Variants in GAB2 observed in about 807,000 individuals in gnomAD.
GAB2 encodes the protein GRB2 associated binding protein 2, also known as GRB2-associated-binding protein 2.
A neutral mutation model predicts 65.5 loss-of-function variants in GAB2; 26 were observed. That is an observed-to-expected ratio of 0.40 (90% CI 0.29 to 0.55). GAB2 has a LOEUF of 0.55. Among genes scored for constraint, GAB2 ranks in the 20% least tolerant of loss-of-function variants. GAB2 has a pLI of 0.53. For missense variants in GAB2, 884 were observed against 875.8 expected (o/e 1.01, Z -0.12); for synonymous variants, 321 against 329.6 (o/e 0.97, Z 0.28).
intron 1 of GAB2, among the ~76,000 whole-genome samples, chr11:78,289,507 T>C (rs2134602022): frequency 6.6e-6 from 1 of 152,310 alleles, no homozygotes; most frequent in South Asian, 2.1e-4. Flanking sequence ...CAAAATGTGT[T>C]GAATGCTTTG....
chr11:78,293,272 C>T (rs1286978194), intron 1 of GAB2, among the ~76,000 whole-genome samples: 1 of 152,134 alleles, frequency 6.6e-6, no homozygotes, highest in Non-Finnish European at 1.5e-5. Context: ...ATTTGCTCCT[C>T]GGGCACAGAA....
At chr11:78,406,381 A>G (rs1389809451) in intron 1 of GAB2, among the ~76,000 whole-genome samples, 1 of 147,750 alleles carries the variant, frequency 6.8e-6, no homozygotes, top group Non-Finnish European at 1.5e-5. Context: ...TCCACGTTTA[A>G]TTTTTTTTTT....
At chr11:78,359,366 A>G (rs1290700031) in intron 1 of GAB2, among the ~76,000 whole-genome samples, 1 of 152,236 alleles carries the variant, frequency 6.6e-6, no homozygotes, top group Admixed American at 6.5e-5. Flanking sequence ...AAGAATGGCA[A>G]TTAGACTATC....
intron 1 of GAB2, among the ~76,000 whole-genome samples, chr11:78,377,841 C>A (rs1055232762): frequency 6.6e-6 from 1 of 152,182 alleles, no homozygotes; most frequent in African/African-American, 2.4e-5. Context: ...TCCACCCTGC[C>A]AGAGATAAGG....
At position 78,216,372 on chromosome 11, in the gene GAB2, A is replaced by G. The variant is rs1242341718; in HGVS notation, c.*2900T>C. ...AGGCCCCCAGGAGAGGTGGACTTTG[A>G]CCCATGGATAGGCCAAAGGACCAGT... is the stretch of plus-strand genomic sequence containing the variant. On this transcript the variant is annotated 3_prime_UTR_variant, in exon 10 of 10. Transcript: ENST00000361507. 1 of 151,988 alleles carries G rather than the reference A, an allele frequency of 6.6e-6. No individual in the cohort carries two copies. Among genetic ancestry groups the G allele is most frequent in the Non-Finnish European group, 1.5e-5 (1 of 67,988 alleles). The allele number at this position is 151,988 out of a possible 1,614,324, so 9.4% of individuals were successfully genotyped here. A position where few individuals can be genotyped will look rare whatever the true frequency, so the allele number is the denominator to read the frequency against.
chr11:78,254,359 C>G (rs1304449001), intron 2 of GAB2, among the ~76,000 whole-genome samples: 1 of 152,102 alleles, frequency 6.6e-6, no homozygotes, highest in African/African-American at 2.4e-5. Context: ...ATGTGTGTTT[C>G]TTGTGGTCAA....
chr11:78,277,268 T>C (rs569503044), intron 2 of GAB2, among the ~76,000 whole-genome samples: 2 of 152,306 alleles, frequency 1.3e-5, no homozygotes, highest in African/African-American at 2.4e-5. Context: ...TCATCATACC[T>C]ATTTCTTAAA....
At chr11:78,373,522 GCCA>G (rs1856597819) in intron 1 of GAB2, among the ~76,000 whole-genome samples, 1 of 152,056 alleles carries the variant, frequency 6.6e-6, no homozygotes, top group South Asian at 2.1e-4. Flanking sequence ...ACAGGCGTGA[GCCA>G]CCACGCCTGG....
Position 78,250,420 on chromosome 11 carries a change from C to G in GAB2, c.377-20G>C, listed in dbSNP as rs1865421386. 1 of 1,607,692 alleles carries G rather than the reference C, an allele frequency of 6.2e-7. No individual in the cohort carries two copies. Among genetic ancestry groups the G allele is most frequent in the South Asian group, 1.1e-5 (1 of 90,894 alleles). ...GGGAGTCTGAAAAGGAGAAATAGCT[C>G]TGTGAATGAAAAAGGAAGGAAATGT... On this transcript the variant is annotated intron_variant, in intron 2 of 9. Coordinates refer to ENST00000361507, the MANE Select transcript of GAB2 (RefSeq NM_080491.3).
intron 1 of GAB2, among the ~76,000 whole-genome samples, chr11:78,319,026 C>A (rs1855671511): frequency 6.6e-6 from 1 of 152,178 alleles, no homozygotes; most frequent in Non-Finnish European, 1.5e-5. Context: ...TTCCCTCCAT[C>A]ACTGCCCCTC....
chr11:78,289,414 A>G (rs1335670224), intron 1 of GAB2, among the ~76,000 whole-genome samples: 2 of 152,210 alleles, frequency 1.3e-5, no homozygotes, highest in Non-Finnish European at 2.9e-5. Context: ...CGTTTAGAAA[A>G]AAAGGTGAAA....
intron 1 of GAB2, among the ~76,000 whole-genome samples, chr11:78,394,048 G>T (rs1264668602): frequency 1.3e-5 from 2 of 152,228 alleles, no homozygotes; most frequent in African/African-American, 4.8e-5. Flanking sequence ...CAGCACTTTG[G>T]GAGGCCGTGG....
chr11:78,388,215 G>A (rs780551343), intron 1 of GAB2: 5 of 152,032 alleles, frequency 3.3e-5, no homozygotes, highest in East Asian at 1.9e-4. Flanking sequence ...CAGTAGAGAC[G>A]GGGTTTTTTT....
At chr11:78,318,874 C>G (rs1272295613) in intron 1 of GAB2, among the ~76,000 whole-genome samples, 2 of 152,200 alleles carry the variant, frequency 1.3e-5, no homozygotes, top group African/African-American at 2.4e-5. Context: ...GCAGTAAAGA[C>G]CCATCCCTTC....
At chr11:78,306,799 C>T (rs1371678966) in intron 1 of GAB2, among the ~76,000 whole-genome samples, 1 of 152,216 alleles carries the variant, frequency 6.6e-6, no homozygotes, top group African/African-American at 2.4e-5. Flanking sequence ...TTATTAGCTG[C>T]ATGACCCTAA....
intron 1 of GAB2, among the ~76,000 whole-genome samples, chr11:78,386,496 G>A (rs1015707861): frequency 1.4e-4 from 21 of 152,154 alleles, no homozygotes; most frequent in Admixed American, 1.2e-3. Context: ...AAGTAATGAA[G>A]GTCTTTTTCT....
At chr11:78,286,216 T>C (rs1866477626) in intron 1 of GAB2, among the ~76,000 whole-genome samples, 1 of 152,258 alleles carries the variant, frequency 6.6e-6, no homozygotes, top group Non-Finnish European at 1.5e-5. Flanking sequence ...TGTAATTTCA[T>C]GACTTTATGT....
intron 1 of GAB2, among the ~76,000 whole-genome samples, chr11:78,408,912 G>A (rs1236507885): frequency 2.0e-5 from 3 of 152,122 alleles, no homozygotes; most frequent in Non-Finnish European, 4.4e-5. Flanking sequence ...ACAGCTTGTG[G>A]AACTGTGGGC....
At chr11:78,300,504 C>T (rs1300109541) in intron 1 of GAB2, among the ~76,000 whole-genome samples, 3 of 98,102 alleles carry the variant, frequency 3.1e-5, no homozygotes, top group Non-Finnish European at 5.8e-5. Flanking sequence ...AGTAAGTCTA[C>T]GTTTAATTTT....
Sources: allele counts gnomAD v4.1 joint callset (sites outside exome capture counted in the v4.1 genomes callset), GRCh38; gene constraint gnomAD v4.1.1; transcripts MANE v1.5; gene names NCBI Gene and HGNC (gene_info 2026-07-23, HGNC 2026-07-21).